The following RCBTB2 variants were observed in gnomAD, a reference collection of about 807,000 sequenced individuals.
RCBTB2 encodes RCC1 and BTB domain-containing protein 2.
A neutral mutation model predicts 65.4 loss-of-function variants in RCBTB2; 55 were observed. The ratio of observed to expected loss-of-function variants is 0.84; its 90% CI spans 0.68 to 1.05. RCBTB2 has a LOEUF of 1.05. Ranked by LOEUF, RCBTB2 falls within the 50% of genes least tolerant of loss-of-function variation. The pLI is 0.00. For missense variants in RCBTB2, 599 were observed against 680.1 expected (o/e 0.88, Z 1.33); for synonymous variants, 220 against 255.2 (o/e 0.86, Z 1.31).
At chr13:48,495,056 GA>G (rs1195092414) in intron 14 of RCBTB2, among the ~76,000 whole-genome samples, 2 of 151,918 alleles carry the variant, frequency 1.3e-5, no homozygotes, top group Non-Finnish European at 2.9e-5. Flanking sequence ...TATGTAAACA[GA>G]AAAAAAGTTA....
intron 14 of RCBTB2, among the ~76,000 whole-genome samples, chr13:48,493,443 T>C (rs1480574143): frequency 6.6e-6 from 1 of 151,580 alleles, no homozygotes; most frequent in African/African-American, 2.4e-5. Flanking sequence ...GCCCATCATA[T>C]CTGCTCCTCT....
intron 10 of RCBTB2, among the ~76,000 whole-genome samples, chr13:48,504,777 C>T (rs9332034): frequency 0.034 from 5,105 of 152,292 alleles, 112 homozygotes; most frequent in Middle Eastern, 0.075. Flanking sequence ...GGGCTAGCAC[C>T]TGAAGGGTGA....
intron 1 of RCBTB2, among the ~76,000 whole-genome samples, chr13:48,530,338 T>A (rs992940409): frequency 1.3e-5 from 2 of 152,338 alleles, no homozygotes; most frequent in South Asian, 4.1e-4. Flanking sequence ...CATGGACTCC[T>A]TACATTTATG....
intron 1 of RCBTB2, 137 bp downstream of exon 1, chr13:48,532,891 G>A (rs1952250360): frequency 4.6e-6 from 2 of 435,306 alleles, no homozygotes; most frequent in Admixed American, 4.9e-5. Context: ...AGTCCCCTGG[G>A]CCCCTCAGCT....
intron 3 of RCBTB2, 74 bp from the exon 4 acceptor site, chr13:48,522,036 T>A (rs1467592149): frequency 8.0e-7 from 1 of 1,244,994 alleles, no homozygotes; most frequent in East Asian, 2.3e-5. Context: ...ATTACTTTAC[T>A]TCTAATTAGC....
chr13:48,507,474 GGGA>G (rs1169652661), intron 10 of RCBTB2, among the ~76,000 whole-genome samples: 1 of 152,082 alleles, frequency 6.6e-6, no homozygotes, highest in African/African-American at 2.4e-5. Flanking sequence ...CAATCTTAAT[GGGA>G]AAAAAAATCA....
intron 3 of RCBTB2, 73 bp downstream of exon 3, chr13:48,522,235 C>G (rs1951468471): frequency 9.8e-7 from 1 of 1,023,728 alleles, no homozygotes; most frequent in East Asian, 2.6e-5. Context: ...GTCCTTAACT[C>G]TATAAAGGAA....
chr13:48,510,577 T>G, intron 10 of RCBTB2, 52 bp downstream of exon 10: 1 of 1,586,044 alleles, frequency 6.3e-7, no homozygotes, highest in Non-Finnish European at 8.6e-7. Flanking sequence ...AAGTCCTGTT[T>G]AATCACAATC....
chr13:48,506,241 G>A (rs546339395), intron 10 of RCBTB2, among the ~76,000 whole-genome samples: 37 of 152,218 alleles, frequency 2.4e-4, no homozygotes, highest in Admixed American at 4.6e-4. Flanking sequence ...GGCCAACGCC[G>A]GGATCGGAGG....
chr13:48,527,887 T>A (rs893511628), intron 1 of RCBTB2, among the ~76,000 whole-genome samples: 1 of 152,194 alleles, frequency 6.6e-6, no homozygotes, highest in African/African-American at 2.4e-5. Flanking sequence ...AATCCTCACA[T>A]AAAGTCAAAT....
At chr13:48,533,292 T>G, upstream of RCBTB2, 1 of 314,296 alleles carries the variant, frequency 3.2e-6, no homozygotes, top group Non-Finnish European at 6.3e-6. Flanking sequence ...CCCCTCGGAG[T>G]TGACCCCCGG....
intron 6 of RCBTB2, among the ~76,000 whole-genome samples, chr13:48,513,360 C>T (rs968346566): frequency 7.2e-5 from 11 of 152,188 alleles, no homozygotes; most frequent in Non-Finnish European, 1.5e-4. Context: ...AGAAAGCACA[C>T]ACCCATGTAC....
At chr13:48,522,274 G>C (rs1348216422) in intron 3 of RCBTB2, 34 bp downstream of exon 3, 1 of 1,324,886 alleles carries the variant, frequency 7.5e-7, no homozygotes, top group African/African-American at 1.5e-5. Flanking sequence ...TTTCAGAGTT[G>C]ACTTCCTGTG....
upstream of RCBTB2, among the ~76,000 whole-genome samples, chr13:48,534,569 T>C (rs1184677991): frequency 6.6e-6 from 1 of 152,208 alleles, no homozygotes; most frequent in Non-Finnish European, 1.5e-5. Context: ...AGCCTGACAA[T>C]TAGCTAACAA....
chr13:48,512,015 C>T lies in RCBTB2; in HGVS notation c.675+1G>A. 1 of 1,613,106 alleles carries T rather than the reference C, an allele frequency of 6.2e-7. No individual in the cohort carries two copies. Among genetic ancestry groups the T allele is most frequent in the Non-Finnish European group, 8.5e-7 (1 of 1,179,156 alleles). ...AACAAGATGTAAAATAACTTCCTTA[C>T]CTCCCCCGTGTCTACTACTGCCATG... On this transcript the variant is annotated splice_donor_variant, in intron 8 of 14. Transcript: ENST00000344532. LOFTEE classifies it high-confidence loss of function.
chr13:48,492,489 T>C (rs1371388592), intron 14 of RCBTB2: 1 of 152,258 alleles, frequency 6.6e-6, no homozygotes, highest in Non-Finnish European at 1.5e-5. Context: ...AAAATTACCA[T>C]GAAAAGCTGC....
At chr13:48,525,215 G>A (rs542371372) in intron 1 of RCBTB2, among the ~76,000 whole-genome samples, 38 of 151,252 alleles carry the variant, frequency 2.5e-4, no homozygotes, top group African/African-American at 8.5e-4. Context: ...CAGTAAACTT[G>A]AACAAAAGGA....
chr13:48,506,766 G>A (rs548803864), intron 10 of RCBTB2, among the ~76,000 whole-genome samples: 1 of 152,348 alleles, frequency 6.6e-6, no homozygotes. Flanking sequence ...GTGAAGATAA[G>A]CATTTATGAA....
chr13:48,512,463 G>A (rs6561453), intron 7 of RCBTB2, among the ~76,000 whole-genome samples: 1,694 of 152,254 alleles, frequency 0.011, 23 homozygotes, highest in African/African-American at 0.039. Context: ...AGCATTTGGG[G>A]ATTTTTCTTA....
Sources: gnomAD v4.1 joint callset for allele counts (sites outside exome capture counted in the v4.1 genomes callset) on GRCh38, gnomAD v4.1.1 for gene constraint, MANE v1.5 for transcripts, NCBI Gene and HGNC (gene_info 2026-07-23, HGNC 2026-07-21) for gene names.